Variants in ANOS1 observed in about 807,000 individuals in gnomAD.
ANOS1 encodes the protein anosmin-1.
ANOS1 carries 6 observed loss-of-function variants against 59.0 expected under a neutral mutation model. The ratio of observed to expected loss-of-function variants is 0.10; its 90% CI spans 0.06 to 0.20. The LOEUF is 0.20. Among genes scored for constraint, ANOS1 ranks in the 10% least tolerant of loss-of-function variants. The probability of loss-of-function intolerance (pLI) is 1.00; values close to 1 mark genes in which losing one functional copy is unlikely to be tolerated. For synonymous variants in ANOS1, 217 were observed against 223.4 expected (o/e 0.97, Z 0.25); for missense variants, 433 against 542.3 (o/e 0.80, Z 2.00).
At chrX:8,698,703 CA>C (rs1417661071) in intron 2 of ANOS1, among the ~76,000 whole-genome samples, 1 of 111,544 alleles carries the variant, frequency 9.0e-6, no homozygotes, top group Non-Finnish European at 1.9e-5. Context: ...TTATCTTCAT[CA>C]AATTATTTAA....
At chrX:8,577,270 C>T (rs12009662) in intron 6 of ANOS1, among the ~76,000 whole-genome samples, 138 of 111,922 alleles carry the variant, frequency 1.2e-3, no homozygotes, top group Middle Eastern at 4.6e-3. Context: ...TTGAGGATCA[C>T]AGTTTGATTC....
chrX:8,586,622 A>G (rs191871055), intron 5 of ANOS1, among the ~76,000 whole-genome samples: 2 of 112,002 alleles, frequency 1.8e-5, no homozygotes, highest in East Asian at 5.6e-4. Flanking sequence ...TCTTTAAGTA[A>G]TTTGGAAAAA....
At chrX:8,681,869 A>C (rs185218395) in intron 2 of ANOS1, among the ~76,000 whole-genome samples, 1 of 112,379 alleles carries the variant, frequency 8.9e-6, no homozygotes, top group Non-Finnish European at 1.9e-5. Context: ...AGATCAAGCC[A>C]AAGTTACTAT....
chrX:8,710,374 C>T (rs748719112), intron 1 of ANOS1, among the ~76,000 whole-genome samples: 4 of 111,884 alleles, frequency 3.6e-5, no homozygotes, highest in Admixed American at 9.5e-5. Context: ...ATGGGCATTC[C>T]GGTCTCTGTC....
chrX:8,591,253 G>A (rs1440151203), intron 4 of ANOS1, among the ~76,000 whole-genome samples: 4 of 111,346 alleles, frequency 3.6e-5, no homozygotes, highest in Non-Finnish European at 7.5e-5. Flanking sequence ...TAGTTCTACC[G>A]AAGGGGATAA....
intron 2 of ANOS1, among the ~76,000 whole-genome samples, chrX:8,684,985 G>A (rs1257340962): frequency 9.0e-6 from 1 of 110,570 alleles, no homozygotes; most frequent in Non-Finnish European, 1.9e-5. Flanking sequence ...TCTGCAGGCA[G>A]CTCAACTCTT....
intron 3 of ANOS1, among the ~76,000 whole-genome samples, chrX:8,611,702 T>C (rs1040341978): frequency 3.6e-5 from 4 of 110,515 alleles, no homozygotes; most frequent in Non-Finnish European, 5.7e-5. Flanking sequence ...TAAAATGCTA[T>C]TTAAAAAAAA....
intron 9 of ANOS1, among the ~76,000 whole-genome samples, chrX:8,547,810 G>A (rs1310992729): frequency 1.8e-5 from 2 of 111,174 alleles, no homozygotes; most frequent in Non-Finnish European, 1.9e-5. Context: ...TCTGCCTCCC[G>A]GGTTCAAGCG....
intron 10 of ANOS1, among the ~76,000 whole-genome samples, chrX:8,537,222 T>C (rs1023847554): frequency 2.7e-5 from 3 of 111,903 alleles, no homozygotes; most frequent in African/African-American, 9.7e-5. Flanking sequence ...ATCAGCATTT[T>C]TGAGTTGGTA....
At chrX:8,644,674 C>T (rs1044329153) in intron 2 of ANOS1, among the ~76,000 whole-genome samples, 2 of 111,521 alleles carry the variant, frequency 1.8e-5, no homozygotes, top group African/African-American at 3.3e-5. Context: ...CTGAAGCCTG[C>T]TACCTGGAGG....
chrX:8,673,391 C>G (rs1404754112), intron 2 of ANOS1, among the ~76,000 whole-genome samples: 1 of 107,922 alleles, frequency 9.3e-6, no homozygotes, highest in Non-Finnish European at 1.9e-5. Context: ...TCCAAAGCAT[C>G]CAGAACTATG....
chrX:8,618,235 T>A (rs1302002755), intron 3 of ANOS1, among the ~76,000 whole-genome samples: 1 of 112,289 alleles, frequency 8.9e-6, no homozygotes, highest in Non-Finnish European at 1.9e-5. Context: ...TAATTATATA[T>A]GTAGTAAAGT....
intron 6 of ANOS1, among the ~76,000 whole-genome samples, chrX:8,576,953 C>T (rs770079376): frequency 1.8e-5 from 2 of 110,845 alleles, no homozygotes; most frequent in African/African-American, 6.7e-5. Flanking sequence ...GCTTTGCGGA[C>T]CATATGGTCT....
At chrX:8,599,206 G>A (rs988932636) in intron 3 of ANOS1, among the ~76,000 whole-genome samples, 1 of 112,363 alleles carries the variant, frequency 8.9e-6, no homozygotes, top group African/African-American at 3.2e-5. Context: ...CCAATGCAAA[G>A]GCCATCCAGT....
rs1020332288 is a variant in ANOS1 at position 8,628,186 on chromosome X, G to C, written c.256-4516C>G. ...AGCATGCTAAAAGACACTCCCACCA[G>C]TGCCATGACAGTTTACAAGTGCCAT... On this transcript the variant is annotated intron_variant, in intron 2 of 13. Coordinates refer to ENST00000262648, the MANE Select transcript of ANOS1 (RefSeq NM_000216.4). Among the ~76,000 whole-genome samples the C allele has an allele frequency of 5.4e-5, 6 of 111,639 alleles. No homozygotes were observed. The Admixed American group carries it at 5.7e-4, about 11-fold the overall frequency.
intron 1 of ANOS1, among the ~76,000 whole-genome samples, chrX:8,701,359 C>A (rs750720957): frequency 7.0e-4 from 79 of 112,360 alleles, no homozygotes; most frequent in African/African-American, 2.4e-3. Context: ...CAAAAAATAT[C>A]TTTTAGAAAA....
At chrX:8,725,821 T>A (rs1452929848) in intron 1 of ANOS1, among the ~76,000 whole-genome samples, 1 of 107,705 alleles carries the variant, frequency 9.3e-6, no homozygotes, top group East Asian at 2.9e-4. Flanking sequence ...TTCTATTGTT[T>A]TTTAAATGTT....
chrX:8,680,400 A>G (rs1288775253), intron 2 of ANOS1, among the ~76,000 whole-genome samples: 1 of 110,916 alleles, frequency 9.0e-6, no homozygotes, highest in Non-Finnish European at 1.9e-5. Context: ...GTTTATTAGA[A>G]AGAAGTAATA....
chrX:8,630,665 C>T (rs894488996), intron 2 of ANOS1, among the ~76,000 whole-genome samples: 5 of 111,389 alleles, frequency 4.5e-5, no homozygotes, highest in Non-Finnish European at 9.4e-5. Context: ...GGAGAAAACA[C>T]ATAGCAGAAA....
Sources: allele counts gnomAD v4.1 joint callset (sites outside exome capture counted in the v4.1 genomes callset), GRCh38; gene constraint gnomAD v4.1.1; transcripts MANE v1.5; gene names NCBI Gene and HGNC (gene_info 2026-07-23, HGNC 2026-07-21).